UGT2B17: variants seen among roughly 807,000 people sequenced by gnomAD.
UGT2B17 encodes the protein UDP glucuronosyltransferase family 2 member B17.
UGT2B17 carries 21 observed loss-of-function variants against 48.2 expected under a neutral mutation model. The ratio of observed to expected loss-of-function variants is 0.44; its 90% confidence interval spans 0.31 to 0.63. The LOEUF (loss-of-function observed/expected upper bound fraction) is 0.63, where lower values mean the gene tolerates loss of function less well. UGT2B17 is among the 20% of genes least tolerant of loss of function. The pLI, the probability that UGT2B17 is intolerant of heterozygous loss-of-function variation, is 0.08. For synonymous variants in UGT2B17, 146 were observed against 238.4 expected, an observed-to-expected ratio of 0.61 and a Z score of 3.57; for missense variants, 402 against 696.1, an observed-to-expected ratio of 0.58 and a Z score of 4.75.
In UGT2B17 at chr4:68,569,931, T is replaced by G. The variant is rs1302592769; in HGVS notation, c.-64-1383A>C. 1.6e-5 allele frequency among the ~76,000 whole-genome samples: 2 copies of G among 125,904 alleles called. 1 individual carries two copies. Among genetic ancestry groups the G allele is most frequent in the Non-Finnish European group, 3.4e-5 (2 of 59,404 alleles). The allele number at this position is 125,904 out of a possible 152,430, so 82.6% of individuals were successfully genotyped here. On this transcript the variant is annotated intron_variant, in intron 1 of 6. Transcript: ENST00000317746. The stretch of plus-strand genomic sequence containing the variant: ...GGCATGCTCTCAGGGATCAAACCAA[T>G]TCAAGAACCTTATATCTGGTGCCAA...
intron 4 of UGT2B17, 37 bp from the exon 5 acceptor site, chr4:68,551,948 G>C: frequency 1.7e-6 from 2 of 1,193,196 alleles, no homozygotes; most frequent in Non-Finnish European, 2.2e-6. Context: ...TCAATGAATA[G>C]AACTCTAAAA....
At position 68,565,736 on chromosome 4, in the gene UGT2B17, A is replaced by G; in HGVS notation, c.725-16T>C. 2.3e-6 allele frequency: 3 copies of G among 1,326,442 alleles called. No homozygotes were observed. The highest frequency in any genetic ancestry group is 2.9e-6 in the Non-Finnish European group (3 of 1,028,326). 82.2% of individuals were successfully genotyped at this position (1,326,442 alleles called of 1,614,324 possible). A position where few individuals can be genotyped will look rare whatever the true frequency, so the allele number is the denominator to read the frequency against. ...GTGGGTCTTCCTGATGGAAAAAAAC[A>G]AAACAAAACAAAAGGTAGCTAACAC... On this transcript the variant is annotated splice_polypyrimidine_tract_variant and intron_variant, in intron 2 of 6. Coordinates refer to ENST00000317746, the MANE Select transcript of UGT2B17 (RefSeq NM_001077.4).
chr4:68,538,829 C>T lies in UGT2B17; in HGVS notation c.1314-925G>A, dbSNP rs1449254178. On this transcript the variant is annotated intron_variant, in intron 6 of 6. Coordinates refer to ENST00000317746, the MANE Select transcript of UGT2B17 (RefSeq NM_001077.4). ...ACTTTCTTCTAGAGACAATGGCCTT[C>T]TGTTGTTCTTTAAACTCCTGAAGGT... is the stretch of plus-strand genomic sequence containing the variant. Among the ~76,000 whole-genome samples, 2 of 126,130 alleles carry T rather than the reference C, an allele frequency of 1.6e-5. 1 individual carries two copies. The highest frequency in any genetic ancestry group is 3.4e-5 in the Non-Finnish European group (2 of 59,652). The allele number at this position is 126,130 out of a possible 152,430, so 82.7% of individuals were successfully genotyped here. A position where few individuals can be genotyped will look rare whatever the true frequency, so the allele number is the denominator to read the frequency against.
chr4:68,559,063 A>C (rs535481529), intron 4 of UGT2B17, among the ~76,000 whole-genome samples: 1 of 125,928 alleles, frequency 7.9e-6, no homozygotes, highest in South Asian at 3.6e-4. Context: ...GCAAATTAGT[A>C]ATAACCTATA....
chr4:68,561,629 C>T lies in UGT2B17; in HGVS notation c.874-961G>A, dbSNP rs1377113717. The stretch of plus-strand genomic sequence containing the variant: ...TTTCTCCAGTGGAGATCTGCTCACC[C>T]CCTAGAGTAGCTCCCTCACACTATA... On this transcript the variant is annotated intron_variant, in intron 3 of 6. Coordinates refer to ENST00000317746, the MANE Select transcript of UGT2B17 (RefSeq NM_001077.4). Among the ~76,000 whole-genome samples, 2 of 122,734 alleles carry T rather than the reference C, an allele frequency of 1.6e-5. 1 individual carries two copies. The highest frequency in any genetic ancestry group is 3.4e-5 in the Non-Finnish European group (2 of 58,570). The allele number at this position is 122,734 out of a possible 152,430, so 80.5% of individuals were successfully genotyped here.
rs199830808 is a variant in UGT2B17, at chr4:68,537,905, C to A, written c.1314-1G>T. 12 of 1,342,160 alleles carry A rather than the reference C, an allele frequency of 8.9e-6. 4 individuals carry two copies. Among genetic ancestry groups the A allele is most frequent in the Non-Finnish European group, 1.2e-5 (12 of 1,031,124 alleles). The allele number at this position is 1,342,160 out of a possible 1,614,324, so 83.1% of individuals were successfully genotyped here. ...TAATTTCATGATATTCTCTTTATAGCTGAAGGATAAATATAAAGATATCAA... is the reference window on the plus strand; with the variant it reads ...TAATTTCATGATATTCTCTTTATAGATGAAGGATAAATATAAAGATATCAA... On this transcript the variant is annotated splice_acceptor_variant, in intron 6 of 6. Transcript: ENST00000317746. LOFTEE classifies it high-confidence loss of function.
At chr4:68,551,331 G>A (rs1210610390) in intron 5 of UGT2B17, among the ~76,000 whole-genome samples, 1 of 123,930 alleles carries the variant, frequency 8.1e-6, no homozygotes, top group Non-Finnish European at 1.7e-5. Context: ...TTTTTTAAAG[G>A]CAGCAAGGAG....
In UGT2B17 at chr4:68,544,735, A is replaced by T. The variant is rs1431130989; in HGVS notation, c.1313+5942T>A. ...CAGAGACACACATAGGCTCAAAATA[A>T]AGGGATGGAGGAAGATCTACCAAGC... On this transcript the variant is annotated intron_variant, in intron 6 of 6. Coordinates refer to ENST00000317746, the MANE Select transcript of UGT2B17 (RefSeq NM_001077.4). Among the ~76,000 whole-genome samples the T allele has an allele frequency of 4.0e-5, 5 of 125,896 alleles. 1 individual carries two copies. The highest frequency in any genetic ancestry group is 8.4e-5 in the Non-Finnish European group (5 of 59,644). 82.6% of individuals were successfully genotyped at this position (125,896 alleles called of 152,430 possible).
In UGT2B17 at chr4:68,541,893, A is replaced by T. The variant is rs987503751; in HGVS notation, c.1314-3989T>A. 3.2e-5 allele frequency among the ~76,000 whole-genome samples: 4 copies of T among 126,822 alleles called. 1 individual carries two copies. The Admixed American group carries it at 3.2e-4, about 10-fold the overall frequency. The allele number at this position is 126,822 out of a possible 152,430, so 83.2% of individuals were successfully genotyped here. Reference sequence around the variant, plus strand: ...GCCAGTTTCCCCAGCACCATTTATTAAATAGGGAATCCTTTCCCATTGCTT... The same window carrying T: ...GCCAGTTTCCCCAGCACCATTTATTTAATAGGGAATCCTTTCCCATTGCTT... On this transcript the variant is annotated intron_variant, in intron 6 of 6. Coordinates refer to ENST00000317746, the MANE Select transcript of UGT2B17 (RefSeq NM_001077.4).
chr4:68,568,349 G>A lies in UGT2B17; in HGVS notation c.136C>T (p.Leu46Phe). Residue 46 changes from leucine to phenylalanine, a missense_variant, in exon 2 of 7, where the codon CTT (leucine) becomes TTT (phenylalanine). Physicochemically the swap from Leu to Phe is conservative, Grantham distance 22. Coordinates refer to ENST00000317746, the MANE Select transcript of UGT2B17 (RefSeq NM_001077.4). ...ATCACCTCATGACCCCTCTGAACAA[G>A]CTCTTCCAGGATTGTCTTCATATTT... ...WINMKTILEE[L>F]VQRGHEVIVL... 2 of 1,380,700 alleles carry A rather than the reference G, an allele frequency of 1.4e-6. No individual in the cohort carries two copies. The highest frequency in any genetic ancestry group is 1.9e-6 in the Non-Finnish European group (2 of 1,055,308). The allele number at this position is 1,380,700 out of a possible 1,614,324, so 85.5% of individuals were successfully genotyped here.
In UGT2B17 at chr4:68,552,972, C is replaced by A. The variant is rs1346589149; in HGVS notation, c.1006-1061G>T. On this transcript the variant is annotated intron_variant, in intron 4 of 6. Coordinates refer to ENST00000317746, the MANE Select transcript of UGT2B17 (RefSeq NM_001077.4). ...AGGAGGGAGGATAAATTTGAGGTTT[C>A]TTTCCTACTTCTAGGACGACAGAGG... 4.0e-5 allele frequency among the ~76,000 whole-genome samples: 5 copies of A among 124,960 alleles called. 1 individual carries two copies. The highest frequency in any genetic ancestry group is 5.5e-5 in the African/African-American group (2 of 36,616). 82.0% of individuals were successfully genotyped at this position (124,960 alleles called of 152,430 possible).
In UGT2B17 at chr4:68,540,339, C is replaced by T. The variant is rs373230424; in HGVS notation, c.1314-2435G>A. Among the ~76,000 whole-genome samples, 608 of 125,986 alleles carry T rather than the reference C, an allele frequency of 4.8e-3. 155 individuals are homozygous for T. Among genetic ancestry groups the T allele is most frequent in the Middle Eastern group, 0.045 (11 of 244 alleles). The allele number at this position is 125,986 out of a possible 152,430, so 82.7% of individuals were successfully genotyped here. Reference sequence around the variant, plus strand: ...GGTAGGTTCACTTTTTTGTTGTGATCTTTGAGATGGAGTCTCGCTCTGTCA... The same window carrying T: ...GGTAGGTTCACTTTTTTGTTGTGATTTTTGAGATGGAGTCTCGCTCTGTCA... On this transcript the variant is annotated intron_variant, in intron 6 of 6. Coordinates refer to ENST00000317746, the MANE Select transcript of UGT2B17 (RefSeq NM_001077.4).
In UGT2B17 at chr4:68,567,842, TA is replaced by T; in HGVS notation, c.642del (p.Asn214LysfsTer2). ...AAGTCAAAATAAAGCATATATATCA[TA>T]TTTTTTATCCTCTCCATGAAAATCA... ...DQMIFMERIK[N>X]MIYMLYFDFW... On this transcript the variant is annotated frameshift_variant, in exon 2 of 7. Transcript: ENST00000317746. LOFTEE classifies it high-confidence loss of function. 7.3e-7 allele frequency: 1 copy of T among 1,375,844 alleles called. No homozygotes were observed. The highest frequency in any genetic ancestry group is 9.5e-7 in the Non-Finnish European group (1 of 1,053,492). 85.2% of individuals were successfully genotyped at this position (1,375,844 alleles called of 1,614,324 possible). A position where few individuals can be genotyped will look rare whatever the true frequency, so the allele number is the denominator to read the frequency against.
At chr4:68,564,758 T>C (rs907137269) in intron 3 of UGT2B17, among the ~76,000 whole-genome samples, 1 of 125,936 alleles carries the variant, frequency 7.9e-6, no homozygotes, top group African/African-American at 2.7e-5. Context: ...TAGAGTTCAG[T>C]GGTGTGGTCT....
Position 68,568,555 on chromosome 4 carries a change from A to C in UGT2B17, c.-64-7T>G. ...TCATTTCTCATACTTATATCTGAGG[A>C]AAAATCAATCAAGTTAAAATATAAC... On this transcript the variant is annotated splice_region_variant and splice_polypyrimidine_tract_variant and intron_variant, in intron 1 of 6. Transcript: ENST00000317746. The C allele has an allele frequency of 8.1e-7, 1 of 1,235,556 alleles. No homozygotes were observed. The highest frequency in any genetic ancestry group is 1.0e-6 in the Non-Finnish European group (1 of 979,786). The allele number at this position is 1,235,556 out of a possible 1,614,324, so 76.5% of individuals were successfully genotyped here.
At chr4:68,543,774 A>G (rs1018931210) in intron 6 of UGT2B17, among the ~76,000 whole-genome samples, 4 of 125,822 alleles carry the variant, frequency 3.2e-5, no homozygotes, top group Non-Finnish European at 6.7e-5. Context: ...CACGAGAACT[A>G]TGTGATGAAT....
At position 68,567,851 on chromosome 4, in the gene UGT2B17, T is replaced by A; in HGVS notation, c.634A>T (p.Ile212Leu). Reference sequence around the variant, plus strand: ...TAAAGCATATATATCATATTTTTTATCCTCTCCATGAAAATCATTTGATCA... The same window carrying A: ...TAAAGCATATATATCATATTTTTTAACCTCTCCATGAAAATCATTTGATCA... The part of the protein sequence containing the change: ...LSDQMIFMER[I>L]KNMIYMLYFD... The change falls in exon 2 of 7, where the codon ATA (isoleucine) becomes TTA (leucine). Residue 212 changes from isoleucine to leucine, a missense_variant. This residue lies in a region of UGT2B17 where 106 missense variants were observed against 169.8 expected (regional missense o/e 0.62). Transcript: ENST00000317746. 1 of 1,376,812 alleles carries A rather than the reference T, an allele frequency of 7.3e-7. No homozygotes were observed. The highest frequency in any genetic ancestry group is 9.5e-7 in the Non-Finnish European group (1 of 1,053,900). 85.3% of individuals were successfully genotyped at this position (1,376,812 alleles called of 1,614,324 possible).
At chr4:68,565,454 GT>G in intron 3 of UGT2B17, 117 bp downstream of exon 3, 6 of 946,084 alleles carry the variant, frequency 6.3e-6, no homozygotes, top group African/African-American at 3.5e-5. Context: ...CTAATGGCAA[GT>G]CCTTTTTTTT....
At chr4:68,541,928 A>C (rs571322495) in intron 6 of UGT2B17, among the ~76,000 whole-genome samples, 1 of 125,776 alleles carries the variant, frequency 8.0e-6, no homozygotes, top group African/African-American at 2.7e-5. Context: ...TGTTTTTGTC[A>C]GTTTTGTCGA....
Sources: gnomAD v4.1 joint callset for allele counts (sites outside exome capture counted in the v4.1 genomes callset) on GRCh38, gnomAD v4.1.1 for gene constraint, gnomAD v4.1.1 regional missense constraint, MANE v1.5 for transcripts, NCBI Gene and HGNC (gene_info 2026-07-23, HGNC 2026-07-21) for gene names.